HECW2: variants seen among roughly 807,000 people sequenced by gnomAD.
HECW2 encodes the protein HECT, C2 and WW domain containing E3 ubiquitin protein ligase 2.
HECW2 carries 61 observed loss-of-function variants against 175.2 expected under a neutral mutation model. The ratio of observed to expected loss-of-function variants is 0.35; its 90% CI spans 0.28 to 0.43. HECW2 has a LOEUF of 0.43. Ranked by LOEUF, HECW2 falls within the 20% of genes least tolerant of loss-of-function variation. The probability of loss-of-function intolerance (pLI) is 1.00; values close to 1 mark genes in which losing one functional copy is unlikely to be tolerated. For missense variants in HECW2, 1,524 were observed against 2,000.5 expected (o/e 0.76, Z 4.54); for synonymous variants, 671 against 731.0 (o/e 0.92, Z 1.32).
At chr2:196,545,735 G>T (rs1689396358) in intron 1 of HECW2, among the ~76,000 whole-genome samples, 1 of 152,142 alleles carries the variant, frequency 6.6e-6, no homozygotes, top group South Asian at 2.1e-4. Flanking sequence ...AACTTTAAAA[G>T]TTAACTCTCA....
chr2:196,550,519 A>G (rs1167082280), intron 1 of HECW2, among the ~76,000 whole-genome samples: 1 of 152,242 alleles, frequency 6.6e-6, no homozygotes, highest in Non-Finnish European at 1.5e-5. Flanking sequence ...TTTAGTCTCT[A>G]TAAATGTTAT....
Position 196,201,172 on chromosome 2 carries a change from T to C in HECW2, c.*105A>G, listed in dbSNP as rs936172669. On this transcript the variant is annotated 3_prime_UTR_variant, in exon 29 of 29. Coordinates refer to ENST00000644978, the MANE Select transcript of HECW2 (RefSeq NM_001348768.2). ...CCTGGAAAACAACAGCACATAGCTTTATCCTAAAGGAAGCATCCTCTTGAA... is the reference window on the plus strand; with the variant it reads ...CCTGGAAAACAACAGCACATAGCTTCATCCTAAAGGAAGCATCCTCTTGAA... The C allele has an allele frequency of 1.7e-5, 13 of 786,936 alleles. 1 individual carries two copies. The highest frequency in any genetic ancestry group is 2.9e-5 in the Non-Finnish European group (13 of 444,626). 48.7% of individuals were successfully genotyped at this position (786,936 alleles called of 1,614,324 possible).
chr2:196,569,935 G>A (rs932269928), intron 1 of HECW2, among the ~76,000 whole-genome samples: 4 of 152,238 alleles, frequency 2.6e-5, no homozygotes, highest in Non-Finnish European at 5.9e-5. Context: ...AGCTGAGGTA[G>A]GAGAATGCCT....
chr2:196,319,011 C>T lies in HECW2; in HGVS notation c.1879G>A (p.Glu627Lys), dbSNP rs748126975. The T allele has an allele frequency of 3.5e-5, 56 of 1,613,788 alleles. 1 individual carries two copies. Among genetic ancestry groups the T allele is most frequent in the East Asian group, 6.7e-5 (3 of 44,886 alleles). ...TCTCCCTCAGGCCTGGTGCTGGCTTCGCTCACACTCTCTGTCCTGGCAGGA... is the reference window on the plus strand; with the variant it reads ...TCTCCCTCAGGCCTGGTGCTGGCTTTGCTCACACTCTCTGTCCTGGCAGGA... Reference protein sequence around the residue: ...SDPARTESVSEASTRPEGESD... With the variant: ...SDPARTESVSKASTRPEGESD... Residue 627 changes from glutamate to lysine, a missense_variant, in exon 9 of 29, where the codon GAA becomes AAA. Physicochemically the swap from Glu to Lys is moderately conservative, Grantham distance 56 (BLOSUM62 1). Transcript: ENST00000644978.
At chr2:196,248,631 C>CACACACACACAG (rs779364588) in intron 19 of HECW2, among the ~76,000 whole-genome samples, 6 of 148,500 alleles carry the variant, frequency 4.0e-5, no homozygotes, top group East Asian at 2.0e-4. Context: ...CACACACACA[C>CACACACACACAG]AGAGAGAGAC....
chr2:196,458,692 C>T (rs1020106061), intron 1 of HECW2, among the ~76,000 whole-genome samples: 1 of 151,786 alleles, frequency 6.6e-6, no homozygotes, highest in East Asian at 1.9e-4. Flanking sequence ...ATGGTGAAAC[C>T]CCGTCTCTAC....
chr2:196,442,907 T>A (rs977835950), intron 1 of HECW2, among the ~76,000 whole-genome samples: 2 of 152,194 alleles, frequency 1.3e-5, no homozygotes, highest in Non-Finnish European at 2.9e-5. Flanking sequence ...TAAATGGTTA[T>A]CTTCGAGGGC....
intron 1 of HECW2, chr2:196,592,540 CA>C (rs1691238025): frequency 6.6e-6 from 1 of 152,408 alleles, no homozygotes. Flanking sequence ...CAAGCTCCAG[CA>C]GAGGATGTTC....
chr2:196,463,851 T>G (rs1484023380), intron 1 of HECW2, among the ~76,000 whole-genome samples: 4 of 152,164 alleles, frequency 2.6e-5, no homozygotes, highest in Non-Finnish European at 5.9e-5. Flanking sequence ...CTAGCAACAT[T>G]CAATATCTGG....
intron 2 of HECW2, among the ~76,000 whole-genome samples, chr2:196,351,097 A>G (rs1262529914): frequency 2.0e-5 from 3 of 152,152 alleles, no homozygotes; most frequent in African/African-American, 7.2e-5. Flanking sequence ...GCCTCAGGAG[A>G]TTATCCTTTT....
At chr2:196,336,866 G>A (rs538785558) in intron 3 of HECW2, among the ~76,000 whole-genome samples, 1 of 152,060 alleles carries the variant, frequency 6.6e-6, no homozygotes, top group South Asian at 2.1e-4. Flanking sequence ...CTACAGAGCT[G>A]TGTGTCGCAG....
intron 2 of HECW2, among the ~76,000 whole-genome samples, chr2:196,401,067 G>A (rs1694803798): frequency 6.6e-6 from 1 of 152,162 alleles, no homozygotes; most frequent in South Asian, 2.1e-4. Context: ...TTATCAGTAT[G>A]TCTCAAATTA....
At chr2:196,524,214 T>G (rs1407159376) in intron 1 of HECW2, among the ~76,000 whole-genome samples, 1 of 139,706 alleles carries the variant, frequency 7.2e-6, no homozygotes, top group Non-Finnish European at 1.5e-5. Flanking sequence ...GGAGAGTGTA[T>G]GTGTCAAGGA....
At chr2:196,520,555 A>G (rs563018387) in intron 1 of HECW2, among the ~76,000 whole-genome samples, 1 of 152,346 alleles carries the variant, frequency 6.6e-6, no homozygotes, top group African/African-American at 2.4e-5. Context: ...TAATAAACAC[A>G]TTTACATGAA....
At chr2:196,332,995 G>A (rs927543970) in intron 4 of HECW2, among the ~76,000 whole-genome samples, 1 of 151,690 alleles carries the variant, frequency 6.6e-6, no homozygotes, top group Non-Finnish European at 1.5e-5. Context: ...TAGATGTTGA[G>A]GATTTTGCAC....
Position 196,433,211 on chromosome 2 carries a change from C to T in HECW2, c.213G>A (p.Gly71=), listed in dbSNP as rs758455226. The change falls in exon 2 of 29, where the codon GGG becomes GGA. Residue 71 remains glycine, a synonymous_variant. Coordinates refer to ENST00000644978, the MANE Select transcript of HECW2 (RefSeq NM_001348768.2). ...LTASMYEYTL[G]QAQNLIIFWD... ...AGAAGATAATGAGGTTCTGGGCTTG[C>T]CCCAGCGTGTACTCGTACATGCTGG... The T allele has an allele frequency of 1.9e-6, 3 of 1,614,130 alleles. No homozygotes were observed. The South Asian group carries it at 3.3e-5, about 18-fold the overall frequency.
At chr2:196,408,403 C>T (rs1695021557) in intron 2 of HECW2, among the ~76,000 whole-genome samples, 1 of 152,184 alleles carries the variant, frequency 6.6e-6, no homozygotes, top group Non-Finnish European at 1.5e-5. Context: ...TGATGATCAT[C>T]TGTAGGGTCG....
intron 1 of HECW2, among the ~76,000 whole-genome samples, chr2:196,456,278 G>A (rs13412594): frequency 0.14 from 21,166 of 152,116 alleles, 2,079 homozygotes; most frequent in African/African-American, 0.28. Context: ...CTTGAGGGTT[G>A]TAAGTCCAAA....
At chr2:196,431,991 T>C (rs1695726594) in intron 2 of HECW2, among the ~76,000 whole-genome samples, 1 of 152,244 alleles carries the variant, frequency 6.6e-6, no homozygotes, top group African/African-American at 2.4e-5. Context: ...AAGAGTGTTG[T>C]TTTGCCTCAA....
Sources: gnomAD v4.1 joint callset for allele counts (sites outside exome capture counted in the v4.1 genomes callset) on GRCh38, gnomAD v4.1.1 for gene constraint, MANE v1.5 for transcripts, NCBI Gene and HGNC (gene_info 2026-07-23, HGNC 2026-07-21) for gene names.